Variants in EYS observed in about 807,000 individuals in gnomAD.
EYS encodes the protein protein eyes shut homolog.
A neutral mutation model predicts 282.1 loss-of-function variants in EYS; 250 were observed. The ratio of observed to expected loss-of-function variants is 0.89; its 90% confidence interval spans 0.80 to 0.98. The LOEUF (loss-of-function observed/expected upper bound fraction) is 0.98. Ranked by LOEUF, EYS falls within the 50% of genes least tolerant of loss-of-function variation. EYS has a pLI of 0.00. For synonymous variants in EYS, 1,355 were observed against 1,282.9 expected, an observed-to-expected ratio of 1.06 and a Z score of -1.20; for missense variants, 4,016 against 3,709.0, an observed-to-expected ratio of 1.08 and a Z score of -2.15.
At chr6:64,376,518 A>T (rs991223698) in intron 29 of EYS, among the ~76,000 whole-genome samples, 7 of 152,232 alleles carry the variant, frequency 4.6e-5, no homozygotes, top group Non-Finnish European at 1.0e-4. Flanking sequence ...ACGCATACTG[A>T]GAATTCCAAC....
intron 14 of EYS, among the ~76,000 whole-genome samples, chr6:64,961,758 T>C (rs565636892): frequency 1.6e-4 from 24 of 152,268 alleles, no homozygotes; most frequent in African/African-American, 5.5e-4. Flanking sequence ...CTCAGTGCAC[T>C]TGAGTTGCAA....
Position 63,749,613 on chromosome 6 carries a change from T to A in EYS, c.8071+12848A>T, listed in dbSNP as rs146700867. On this transcript the variant is annotated intron_variant, in intron 41 of 42. Coordinates refer to ENST00000503581, the MANE Select transcript of EYS (RefSeq NM_001142800.2). ...CCTCTGGGCTCTGTATCGGCTGATA[T>A]CCTTCCCCATCACTTCTCCAAGCAG... Among the ~76,000 whole-genome samples the A allele has an allele frequency of 1.2e-4, 19 of 152,254 alleles. No homozygotes were observed. In the East Asian group the frequency reaches 3.7e-3, roughly 29 times the overall value.
intron 26 of EYS, among the ~76,000 whole-genome samples, chr6:64,510,831 A>T (rs1291037580): frequency 6.6e-6 from 1 of 152,046 alleles, no homozygotes; most frequent in East Asian, 1.9e-4. Context: ...TTATCTCTAG[A>T]ATATGTTAGA....
chr6:65,072,418 C>T (rs1028787801), intron 12 of EYS, among the ~76,000 whole-genome samples: 1 of 151,534 alleles, frequency 6.6e-6, no homozygotes, highest in Non-Finnish European at 1.5e-5. Context: ...AGAAAGCTAC[C>T]CTGAATTATG....
At position 65,402,291 on chromosome 6, in the gene EYS, T is replaced by C. The variant is rs370372963; in HGVS notation, c.1184+187A>G. The stretch of plus-strand genomic sequence containing the variant: ...AGAATTTCTCAATTTCTCAAATATT[T>C]ATTTTAAATTAATACCACAACAATT... On this transcript the variant is annotated intron_variant, in intron 7 of 42. Transcript: ENST00000503581. 3.5e-4 allele frequency among the ~76,000 whole-genome samples: 53 copies of C among 151,992 alleles called. No individual in the cohort carries two copies. In the South Asian group the frequency reaches 0.01, roughly 30 times the overall value.
At chr6:64,060,398 A>G (rs1006256518) in intron 33 of EYS, among the ~76,000 whole-genome samples, 1 of 152,194 alleles carries the variant, frequency 6.6e-6, no homozygotes, top group African/African-American at 2.4e-5. Flanking sequence ...ATGTGGGGAA[A>G]GGGCAGATAA....
intron 26 of EYS, among the ~76,000 whole-genome samples, chr6:64,588,824 A>G (rs1766310628): frequency 6.6e-6 from 1 of 151,550 alleles, no homozygotes; most frequent in South Asian, 2.1e-4. Flanking sequence ...GATTTATTAT[A>G]ATGACTAAAT....
chr6:64,981,629 A>C (rs114868029), intron 14 of EYS, among the ~76,000 whole-genome samples: 1,819 of 151,494 alleles, frequency 0.012, 38 homozygotes, highest in African/African-American at 0.041. Context: ...GATCCTGTAC[A>C]TGGTTGAGCC....
chr6:65,279,938 C>A (rs547436454), intron 12 of EYS, among the ~76,000 whole-genome samples: 1 of 152,222 alleles, frequency 6.6e-6, no homozygotes, highest in African/African-American at 2.4e-5. Flanking sequence ...TCCTAGGAGA[C>A]AATCTCTGAA....
At chr6:63,834,036 T>G (rs1771726512) in intron 36 of EYS, among the ~76,000 whole-genome samples, 1 of 152,222 alleles carries the variant, frequency 6.6e-6, no homozygotes, top group South Asian at 2.1e-4. Flanking sequence ...GATTCCTTCC[T>G]TACACCTTAT....
chr6:64,573,977 G>T (rs1160388198), intron 26 of EYS, among the ~76,000 whole-genome samples: 1 of 152,098 alleles, frequency 6.6e-6, no homozygotes, highest in South Asian at 2.1e-4. Flanking sequence ...ACATACACAT[G>T]TATGTTTATT....
intron 8 of EYS, among the ~76,000 whole-genome samples, chr6:65,369,676 A>G (rs1056831071): frequency 4.0e-5 from 6 of 151,526 alleles, no homozygotes; most frequent in African/African-American, 1.2e-4. Context: ...TTTGGACTCA[A>G]TATTGCTTTA....
intron 36 of EYS, chr6:63,857,732 G>T: frequency 2.7e-6 from 1 of 369,730 alleles, no homozygotes; most frequent in South Asian, 2.4e-5. Context: ...ATGCTTTGAT[G>T]AGCATCTGAG....
chr6:63,943,353 G>A (rs1030114898), intron 35 of EYS, among the ~76,000 whole-genome samples: 15 of 152,210 alleles, frequency 9.9e-5, no homozygotes, highest in African/African-American at 2.9e-4. Context: ...TAATCACAGA[G>A]TTGGTTGGTT....
At chr6:63,765,141 G>T (rs1468869927) in intron 40 of EYS, among the ~76,000 whole-genome samples, 1 of 152,002 alleles carries the variant, frequency 6.6e-6, no homozygotes, top group Non-Finnish European at 1.5e-5. Flanking sequence ...TCTATTTAAA[G>T]AATGTTTATT....
chr6:65,111,206 A>T (rs557146963), intron 12 of EYS, among the ~76,000 whole-genome samples: 1 of 152,180 alleles, frequency 6.6e-6, no homozygotes, highest in East Asian at 1.9e-4. Flanking sequence ...ATAAATTATG[A>T]CTTCTTATAT....
At chr6:63,753,152 AT>A (rs1769386542) in intron 41 of EYS, among the ~76,000 whole-genome samples, 1 of 144,350 alleles carries the variant, frequency 6.9e-6, no homozygotes, top group Non-Finnish European at 1.5e-5. Flanking sequence ...ATATATATAT[AT>A]ATATATATAT....
intron 7 of EYS, among the ~76,000 whole-genome samples, chr6:65,397,583 G>GGTGTGTGT (rs58522364): frequency 2.9e-5 from 4 of 138,194 alleles, no homozygotes; most frequent in African/African-American, 8.2e-5. Flanking sequence ...TGTATTTCAT[G>GGTGTGTGT]GTGTGTGTGT....
intron 11 of EYS, among the ~76,000 whole-genome samples, chr6:65,317,089 G>A (rs183872389): frequency 6.6e-5 from 10 of 152,090 alleles, no homozygotes; most frequent in Admixed American, 3.3e-4. Context: ...TTAGCAATTA[G>A]GATATGCTAT....
Sources: gnomAD v4.1 joint callset for allele counts (sites outside exome capture counted in the v4.1 genomes callset) on GRCh38, gnomAD v4.1.1 for gene constraint, MANE v1.5 for transcripts, NCBI Gene and HGNC (gene_info 2026-07-23, HGNC 2026-07-21) for gene names.